Variants in SERPINI2 observed in about 807,000 individuals in gnomAD.
The protein encoded by SERPINI2 is serpin I2.
Under a neutral mutation model 47.3 loss-of-function variants are expected in SERPINI2, and 48 were observed. The observed-to-expected ratio is 1.02, with a 90% CI of 0.81 to 1.29. SERPINI2 has a LOEUF of 1.29. Among genes scored for constraint, SERPINI2 ranks in the 50% most tolerant of loss-of-function variants. The probability of loss-of-function intolerance (pLI) is 0.00; values close to 1 mark genes in which losing one functional copy is unlikely to be tolerated. For synonymous variants in SERPINI2, 135 were observed against 149.3 expected, an observed-to-expected ratio of 0.90 and a Z score of 0.70; for missense variants, 448 against 456.9, an observed-to-expected ratio of 0.98 and a Z score of 0.18.
chr3:167,471,286 T>G (rs1301832246), intron 2 of SERPINI2, among the ~76,000 whole-genome samples: 9 of 152,054 alleles, frequency 5.9e-5, no homozygotes, highest in Non-Finnish European at 1.3e-4. Context: ...CACACACACA[T>G]GCACGCCCAG....
intron 5 of SERPINI2, among the ~76,000 whole-genome samples, chr3:167,461,881 A>G (rs1401257902): frequency 1.4e-5 from 2 of 146,122 alleles, no homozygotes; most frequent in African/African-American, 5.2e-5. Context: ...TGGCCCCCCA[A>G]AGTGCTGGGA....
intron 2 of SERPINI2, chr3:167,469,658 A>G (rs927385200): frequency 1.3e-5 from 2 of 152,200 alleles, no homozygotes; most frequent in Non-Finnish European, 2.9e-5. Context: ...AAAAGGGAGT[A>G]TTAACAGATG....
Position 167,467,280 on chromosome 3 carries a change from C to A in SERPINI2, c.253G>T (p.Glu85Ter), listed in dbSNP as rs772323237. 1.2e-6 allele frequency: 2 copies of A among 1,603,922 alleles called. No individual in the cohort carries two copies. The highest frequency in any genetic ancestry group is 1.3e-5 in the African/African-American group (1 of 74,492). The change falls in exon 3 of 9, where the codon GAA becomes TAA. Residue 85 changes from glutamate (E) to a stop codon, truncating the protein, a stop_gained. Transcript: ENST00000264677. LOFTEE classifies it high-confidence loss of function. ...AAAAATGACTTCAGTACAAAAAATTCTTCCCCTAGAAAATAATTTTAATGT... is the reference window on the plus strand; with the variant it reads ...AAAAATGACTTCAGTACAAAAAATTATTCCCCTAGAAAATAATTTTAATGT...
chr3:167,464,372 G>A (rs1275071169), intron 5 of SERPINI2, among the ~76,000 whole-genome samples: 1 of 152,022 alleles, frequency 6.6e-6, no homozygotes, highest in South Asian at 2.1e-4. Flanking sequence ...AATTAGGAAA[G>A]GGATAAAGGA....
At chr3:167,472,374 T>G (rs1304917407) in intron 1 of SERPINI2, among the ~76,000 whole-genome samples, 1 of 152,008 alleles carries the variant, frequency 6.6e-6, no homozygotes, top group Non-Finnish European at 1.5e-5. Flanking sequence ...TCCTCACGCT[T>G]TATTTCTTAG....
chr3:167,459,760 T>C (rs944161815), intron 5 of SERPINI2, among the ~76,000 whole-genome samples: 1 of 151,656 alleles, frequency 6.6e-6, no homozygotes, highest in Non-Finnish European at 1.5e-5. Flanking sequence ...TTACAGTTGG[T>C]GTTATGGGTT....
intron 5 of SERPINI2, among the ~76,000 whole-genome samples, chr3:167,461,655 G>C (rs1392217986): frequency 6.6e-6 from 1 of 151,730 alleles, no homozygotes; most frequent in Non-Finnish European, 1.5e-5. Context: ...TTGCTGCCCA[G>C]GCTGGAGTGC....
intron 6 of SERPINI2, among the ~76,000 whole-genome samples, chr3:167,450,545 A>T (rs1177497014): frequency 1.3e-5 from 2 of 152,020 alleles, no homozygotes; most frequent in East Asian, 3.8e-4. Context: ...AATATTTGTA[A>T]TATATAAGTC....
chr3:167,447,554 G>T (rs1341196867), intron 7 of SERPINI2, among the ~76,000 whole-genome samples: 5 of 152,150 alleles, frequency 3.3e-5, no homozygotes, highest in African/African-American at 9.7e-5. Flanking sequence ...GACTTAAAAT[G>T]AGAGACAGTG....
At chr3:167,458,251 T>C (rs1212287287) in intron 5 of SERPINI2, among the ~76,000 whole-genome samples, 2 of 138,814 alleles carry the variant, frequency 1.4e-5, no homozygotes, top group South Asian at 2.4e-4. Flanking sequence ...CTTTCTTTTT[T>C]TTTTTTTTTT....
intron 7 of SERPINI2, 194 bp from the exon 8 acceptor site, chr3:167,446,675 G>T: frequency 2.7e-6 from 1 of 371,932 alleles, no homozygotes; most frequent in Non-Finnish European, 4.8e-6. Context: ...ATAAATATTA[G>T]GTCACTCACA....
chr3:167,446,399 A>G (rs2272138), exon 8 of SERPINI2: 186,246 of 1,600,320 alleles, frequency 0.12, 16,275 homozygotes, highest in African/African-American at 0.4. Context: ...TACCTGTTGG[A>G]TTATGCTTCA....
At chr3:167,476,047 A>T, upstream of SERPINI2, among the ~76,000 whole-genome samples, 1 of 146,090 alleles carries the variant, frequency 6.8e-6, no homozygotes, top group South Asian at 2.1e-4. Context: ...GATAATAGGA[A>T]AATGTTCTGA....
intron 6 of SERPINI2, among the ~76,000 whole-genome samples, 162 bp downstream of exon 6, chr3:167,452,768 TTAAACA>T (rs1421879288): frequency 2.0e-5 from 3 of 152,200 alleles, no homozygotes; most frequent in East Asian, 3.8e-4. Flanking sequence ...GAAAAACTAC[TTAAACA>T]TAAAGTGCTT....
At chr3:167,475,458 A>G (rs1283152360), upstream of SERPINI2, among the ~76,000 whole-genome samples, 1 of 151,706 alleles carries the variant, frequency 6.6e-6, no homozygotes, top group Non-Finnish European at 1.5e-5. Context: ...TTTCCTACCA[A>G]TGGCAGAGAC....
At chr3:167,465,634 G>A (rs765234704) in exon 4 of SERPINI2, 3 of 1,611,220 alleles carry the variant, frequency 1.9e-6, no homozygotes, top group South Asian at 1.1e-5. Flanking sequence ...CCGAGTCAGA[G>A]GGCCAAATTC....
chr3:167,467,011 A>G, intron 3 of SERPINI2, 44 bp downstream of exon 3: 2 of 1,413,424 alleles, frequency 1.4e-6, no homozygotes, highest in Non-Finnish European at 2.0e-6. Flanking sequence ...AAAAACCATG[A>G]ATACAATGGC....
chr3:167,471,979 G>T, intron 1 of SERPINI2, 135 bp from the exon 2 acceptor site: 1 of 608,688 alleles, frequency 1.6e-6, no homozygotes, highest in Non-Finnish European at 2.9e-6. Flanking sequence ...TATCCAATTA[G>T]ATTTCTAAGT....
intron 1 of SERPINI2, chr3:167,473,653 T>C (rs1164711887): frequency 1.8e-6 from 1 of 549,676 alleles, no homozygotes; most frequent in East Asian, 3.2e-5. Flanking sequence ...TATTTGAGCA[T>C]CCACATCCAT....
Sources: allele counts gnomAD v4.1 joint callset (sites outside exome capture counted in the v4.1 genomes callset), GRCh38; gene constraint gnomAD v4.1.1; transcripts MANE v1.5; gene names NCBI Gene and HGNC (gene_info 2026-07-23, HGNC 2026-07-21).